Variants in FCHO2 observed in about 807,000 individuals in gnomAD.
FCHO2 encodes the protein F-BAR domain only protein 2.
A neutral mutation model predicts 114.1 loss-of-function variants in FCHO2; 43 were observed. The ratio of observed to expected loss-of-function variants is 0.38; its 90% CI spans 0.30 to 0.49. The LOEUF is 0.49. Among genes scored for constraint, FCHO2 ranks in the 20% least tolerant of loss-of-function variants. The pLI is 0.97. For missense variants in FCHO2, 807 were observed against 950.4 expected (o/e 0.85, Z 1.98); for synonymous variants, 293 against 315.2 (o/e 0.93, Z 0.75).
chr5:72,968,684 A>G, intron 2 of FCHO2, 95 bp downstream of exon 2: 1 of 867,408 alleles, frequency 1.2e-6, no homozygotes, highest in Non-Finnish European at 1.7e-6. Flanking sequence ...TTGGATTTGG[A>G]ATAAAGTAAT....
At chr5:72,964,788 G>C (rs1023285428) in intron 1 of FCHO2, among the ~76,000 whole-genome samples, 2 of 152,072 alleles carry the variant, frequency 1.3e-5, no homozygotes, top group African/African-American at 4.8e-5. Context: ...GTCAATGTAC[G>C]GTTGTCTCCC....
chr5:73,064,302 T>C (rs1325829569), intron 18 of FCHO2, among the ~76,000 whole-genome samples: 3 of 152,074 alleles, frequency 2.0e-5, no homozygotes, highest in Non-Finnish European at 4.4e-5. Flanking sequence ...AAAAGTATAC[T>C]GCAAGGAGGA....
At chr5:72,967,464 A>G (rs866114987) in intron 1 of FCHO2, among the ~76,000 whole-genome samples, 7 of 152,224 alleles carry the variant, frequency 4.6e-5, no homozygotes, top group African/African-American at 1.4e-4. Context: ...TCAGAAATCA[A>G]GATTTAGTTA....
At chr5:73,029,010 G>C (rs1016208452) in intron 8 of FCHO2, among the ~76,000 whole-genome samples, 2 of 152,138 alleles carry the variant, frequency 1.3e-5, no homozygotes, top group African/African-American at 4.8e-5. Context: ...GTGACAGAAA[G>C]CAGATCAGTG....
intron 5 of FCHO2, among the ~76,000 whole-genome samples, chr5:73,003,881 C>G (rs1304405645): frequency 6.6e-6 from 1 of 151,694 alleles, no homozygotes; most frequent in Non-Finnish European, 1.5e-5. Flanking sequence ...GACCCCATCT[C>G]TACTAAAAAT....
chr5:72,999,625 T>C (rs911938842), intron 5 of FCHO2, among the ~76,000 whole-genome samples: 7 of 151,950 alleles, frequency 4.6e-5, no homozygotes, highest in African/African-American at 1.7e-4. Flanking sequence ...TCAGGTGATA[T>C]GCCCGTCTCA....
intron 11 of FCHO2, 98 bp from the exon 12 acceptor site, chr5:73,051,251 G>T (rs1230981863): frequency 6.9e-6 from 5 of 727,656 alleles, no homozygotes; most frequent in Non-Finnish European, 9.1e-6. Context: ...TCTGAGAAGC[G>T]GTTTGGTTCC....
intron 2 of FCHO2, among the ~76,000 whole-genome samples, chr5:72,980,451 G>A (rs1753142482): frequency 6.6e-6 from 1 of 152,166 alleles, no homozygotes; most frequent in Non-Finnish European, 1.5e-5. Flanking sequence ...TTCTGTAGAT[G>A]TCTATTAGGT....
At chr5:73,075,054 T>C (rs1434364175) in intron 20 of FCHO2, among the ~76,000 whole-genome samples, 1 of 152,174 alleles carries the variant, frequency 6.6e-6, no homozygotes, top group Non-Finnish European at 1.5e-5. Context: ...ATCAAATACT[T>C]GAGCACCTAT....
intron 11 of FCHO2, among the ~76,000 whole-genome samples, chr5:73,049,552 G>A (rs539835320): frequency 2.0e-5 from 3 of 151,094 alleles, no homozygotes; most frequent in Non-Finnish European, 4.4e-5. Flanking sequence ...TCTGCTTTTA[G>A]GCATGCCCAG....
At chr5:73,034,255 A>G (rs915139175) in intron 8 of FCHO2, among the ~76,000 whole-genome samples, 2 of 152,190 alleles carry the variant, frequency 1.3e-5, no homozygotes, top group African/African-American at 4.8e-5. Flanking sequence ...AGTATTTACT[A>G]TCTTGGTAGC....
chr5:73,085,261 A>G (rs903038838), intron 24 of FCHO2, among the ~76,000 whole-genome samples: 2 of 151,682 alleles, frequency 1.3e-5, no homozygotes, highest in African/African-American at 4.8e-5. Flanking sequence ...AGGCAGGAGA[A>G]TTGTTTGAAC....
chr5:73,034,562 AAGT>A, intron 8 of FCHO2, 92 bp from the exon 9 acceptor site: 3 of 894,734 alleles, frequency 3.4e-6, no homozygotes, highest in East Asian at 5.5e-5. Context: ...TGTCAATTAA[AAGT>A]AGAATAAAAA....
At chr5:72,956,698 G>A (rs1002019529) in intron 1 of FCHO2, among the ~76,000 whole-genome samples, 4 of 152,114 alleles carry the variant, frequency 2.6e-5, no homozygotes, top group Non-Finnish European at 4.4e-5. Context: ...CCAGGACTTT[G>A]CCTCTGGGCC....
At chr5:72,961,470 T>G (rs929713351) in intron 1 of FCHO2, among the ~76,000 whole-genome samples, 1 of 152,328 alleles carries the variant, frequency 6.6e-6, no homozygotes, top group African/African-American at 2.4e-5. Context: ...TGTATATATT[T>G]ACTTTATACA....
At chr5:73,056,878 A>C (rs1391834175) in intron 16 of FCHO2, among the ~76,000 whole-genome samples, 2 of 152,180 alleles carry the variant, frequency 1.3e-5, no homozygotes, top group African/African-American at 4.8e-5. Context: ...TTCTTAAAAA[A>C]AAAAATGTTA....
At chr5:73,001,218 G>T (rs1754414659) in intron 5 of FCHO2, among the ~76,000 whole-genome samples, 1 of 151,966 alleles carries the variant, frequency 6.6e-6, no homozygotes, top group Non-Finnish European at 1.5e-5. Flanking sequence ...GCAACGTAGG[G>T]AGACCCCATC....
intron 1 of FCHO2, among the ~76,000 whole-genome samples, chr5:72,967,912 G>A (rs367975278): frequency 1.8e-4 from 26 of 146,314 alleles, no homozygotes; most frequent in African/African-American, 6.4e-4. Context: ...GAGCCACCAC[G>A]CCTGGCCTCA....
chr5:73,044,623 C>G (rs1339941793), intron 11 of FCHO2, among the ~76,000 whole-genome samples: 2 of 152,102 alleles, frequency 1.3e-5, no homozygotes, highest in African/African-American at 4.8e-5. Flanking sequence ...TTATTTTTAG[C>G]AACTGCATCT....
Sources: gnomAD v4.1 joint callset for allele counts (sites outside exome capture counted in the v4.1 genomes callset) on GRCh38, gnomAD v4.1.1 for gene constraint, MANE v1.5 for transcripts, NCBI Gene and HGNC (gene_info 2026-07-23, HGNC 2026-07-21) for gene names.